ARHGAP15: variants seen among roughly 807,000 people sequenced by gnomAD.
The protein encoded by ARHGAP15 is Rho GTPase activating protein 15, also known as rho GTPase-activating protein 15.
In ARHGAP15, 51 loss-of-function variants were observed where a neutral mutation model predicts 63.7. The observed-to-expected ratio is 0.80, with a 90% CI of 0.64 to 1.01. The LOEUF (loss-of-function observed/expected upper bound fraction) is 1.01, where lower values mean the gene tolerates loss of function less well. Among genes scored for constraint, ARHGAP15 ranks in the 50% least tolerant of loss-of-function variants. ARHGAP15 has a pLI of 0.00. For missense variants in ARHGAP15, 560 were observed against 564.6 expected (o/e 0.99, Z 0.08); for synonymous variants, 191 against 193.8 (o/e 0.99, Z 0.12).
At chr2:143,755,168 C>T (rs1441950999) in intron 13 of ARHGAP15, among the ~76,000 whole-genome samples, 1 of 152,048 alleles carries the variant, frequency 6.6e-6, no homozygotes, top group African/African-American at 2.4e-5. Flanking sequence ...ACAGGAATCT[C>T]AAACATCCTG....
At chr2:143,737,826 G>A (rs1034061517) in intron 13 of ARHGAP15, among the ~76,000 whole-genome samples, 4 of 151,720 alleles carry the variant, frequency 2.6e-5, no homozygotes, top group Non-Finnish European at 4.4e-5. Flanking sequence ...GCACGATCTC[G>A]GCTCACTGCA....
intron 12 of ARHGAP15, among the ~76,000 whole-genome samples, chr2:143,626,988 G>A (rs1156669039): frequency 1.3e-5 from 2 of 152,152 alleles, no homozygotes; most frequent in Non-Finnish European, 2.9e-5. Context: ...TAGTGGCCTT[G>A]TAAAAGAAGC....
At chr2:143,283,100 GT>G (rs1004415888) in intron 6 of ARHGAP15, among the ~76,000 whole-genome samples, 1 of 152,072 alleles carries the variant, frequency 6.6e-6, no homozygotes. Flanking sequence ...TTCCCCAGGA[GT>G]TTTTTTGCTA....
intron 12 of ARHGAP15, among the ~76,000 whole-genome samples, chr2:143,685,649 G>A (rs913323624): frequency 1.3e-5 from 2 of 152,120 alleles, no homozygotes; most frequent in African/African-American, 4.8e-5. Flanking sequence ...AGCAGGGTTC[G>A]CAATGCCAGT....
intron 11 of ARHGAP15, among the ~76,000 whole-genome samples, chr2:143,572,492 T>C (rs2105123885): frequency 6.6e-6 from 1 of 152,262 alleles, no homozygotes; most frequent in South Asian, 2.1e-4. Context: ...TCTAAGGTGA[T>C]CATTTGTTCA....
chr2:143,151,706 A>C (rs1017467564), intron 1 of ARHGAP15, among the ~76,000 whole-genome samples: 4 of 151,996 alleles, frequency 2.6e-5, no homozygotes, highest in Non-Finnish European at 4.4e-5. Flanking sequence ...TAGGGTGTCT[A>C]CTAGAGAAAA....
intron 12 of ARHGAP15, among the ~76,000 whole-genome samples, chr2:143,651,821 G>T (rs1681180355): frequency 6.6e-6 from 1 of 151,882 alleles, no homozygotes; most frequent in African/African-American, 2.4e-5. Flanking sequence ...CAGTAATATT[G>T]GGCATCTTTT....
chr2:143,666,365 T>C (rs892434848), intron 12 of ARHGAP15, among the ~76,000 whole-genome samples: 2 of 152,124 alleles, frequency 1.3e-5, no homozygotes, highest in African/African-American at 2.4e-5. Context: ...TGGCTAGCCA[T>C]ATGTACAAAG....
intron 6 of ARHGAP15, among the ~76,000 whole-genome samples, chr2:143,390,281 G>T (rs1348054509): frequency 6.6e-6 from 1 of 152,086 alleles, no homozygotes. Flanking sequence ...AGACCCTGGC[G>T]ATTCCTTTTA....
intron 3 of ARHGAP15, among the ~76,000 whole-genome samples, chr2:143,213,959 T>C (rs1692650923): frequency 6.6e-6 from 1 of 152,226 alleles, no homozygotes; most frequent in African/African-American, 2.4e-5. Flanking sequence ...TCTGGGGAAA[T>C]GTTACTTATG....
At chr2:143,384,945 A>G (rs13426404) in intron 6 of ARHGAP15, among the ~76,000 whole-genome samples, 3 of 152,320 alleles carry the variant, frequency 2.0e-5, no homozygotes, top group African/African-American at 7.2e-5. Flanking sequence ...TGAATAAGAC[A>G]TTCCTTTATA....
Position 143,768,350 on chromosome 2 carries a change from A to G in ARHGAP15, c.*178A>G. Reference sequence around the variant, plus strand: ...AAACATTTGAATAAAATAATTGACAATATTTGCCTCTATGTGTTCTACATT... The same window carrying G: ...AAACATTTGAATAAAATAATTGACAGTATTTGCCTCTATGTGTTCTACATT... On this transcript the variant is annotated 3_prime_UTR_variant, in exon 14 of 14. Transcript: ENST00000295095. 1.5e-6 allele frequency: 1 copy of G among 666,556 alleles called. No individual in the cohort carries two copies. The highest frequency in any genetic ancestry group is 2.5e-6 in the Non-Finnish European group (1 of 399,446). 41.3% of individuals were successfully genotyped at this position (666,556 alleles called of 1,614,324 possible).
At chr2:143,147,303 C>G (rs1315261311) in intron 1 of ARHGAP15, among the ~76,000 whole-genome samples, 3 of 152,008 alleles carry the variant, frequency 2.0e-5, no homozygotes, top group Admixed American at 1.3e-4. Context: ...AGTGACATTT[C>G]ATCATCAATG....
intron 6 of ARHGAP15, among the ~76,000 whole-genome samples, chr2:143,395,826 A>G (rs1224493434): frequency 1.3e-5 from 2 of 152,102 alleles, no homozygotes; most frequent in Non-Finnish European, 2.9e-5. Flanking sequence ...ACAGAAACGT[A>G]ATACAGGTCC....
At chr2:143,190,118 C>T (rs1691622017) in intron 2 of ARHGAP15, among the ~76,000 whole-genome samples, 2 of 152,172 alleles carry the variant, frequency 1.3e-5, no homozygotes, top group South Asian at 4.1e-4. Context: ...GTATATTGCA[C>T]ATATTATTCA....
intron 1 of ARHGAP15, among the ~76,000 whole-genome samples, chr2:143,149,594 C>T (rs546384185): frequency 6.6e-6 from 1 of 151,490 alleles, no homozygotes; most frequent in African/African-American, 2.4e-5. Context: ...TATTTTTAAC[C>T]CTAAAATATT....
intron 2 of ARHGAP15, among the ~76,000 whole-genome samples, chr2:143,188,613 CATTATT>C (rs143767405): frequency 0.21 from 28,948 of 140,634 alleles, 3,041 homozygotes; most frequent in South Asian, 0.25. Context: ...ATTATTTTGT[CATTATT>C]ATTATTATTA....
chr2:143,515,729 G>A (rs1693785650), intron 9 of ARHGAP15, among the ~76,000 whole-genome samples: 1 of 152,072 alleles, frequency 6.6e-6, no homozygotes, highest in Non-Finnish European at 1.5e-5. Context: ...TCATATGAGT[G>A]GCTTCTAAAA....
chr2:143,249,447 T>G (rs1048563136), intron 5 of ARHGAP15, among the ~76,000 whole-genome samples: 2 of 152,146 alleles, frequency 1.3e-5, no homozygotes, highest in African/African-American at 4.8e-5. Flanking sequence ...CTTTCATAAT[T>G]TCATGTTTTA....
Sources: gnomAD v4.1 joint callset for allele counts (sites outside exome capture counted in the v4.1 genomes callset) on GRCh38, gnomAD v4.1.1 for gene constraint, MANE v1.5 for transcripts, NCBI Gene and HGNC (gene_info 2026-07-23, HGNC 2026-07-21) for gene names.